The following ANKRD17 variants were observed in gnomAD, a reference collection of about 807,000 sequenced individuals.
ANKRD17 encodes the protein ankyrin repeat domain 17.
A neutral mutation model predicts 229.7 loss-of-function variants in ANKRD17; 19 were observed. That is an observed-to-expected ratio of 0.08 (90% CI 0.06 to 0.12). The LOEUF (loss-of-function observed/expected upper bound fraction) is 0.12, where lower values mean the gene tolerates loss of function less well. ANKRD17 is among the 10% of genes least tolerant of loss of function. ANKRD17 has a pLI of 1.00. For synonymous variants in ANKRD17, 1,112 were observed against 1,146.1 expected, an observed-to-expected ratio of 0.97 and a Z score of 0.60; for missense variants, 2,176 against 3,176.8, an observed-to-expected ratio of 0.68 and a Z score of 7.57.
intron 1 of ANKRD17, among the ~76,000 whole-genome samples, chr4:73,245,696 C>T (rs1365496418): frequency 6.6e-6 from 1 of 152,082 alleles, no homozygotes; most frequent in African/African-American, 2.4e-5. Context: ...CTGGTTAAAC[C>T]CTTACTGATA....
At chr4:73,158,927 C>T (rs1339971894) in intron 3 of ANKRD17, among the ~76,000 whole-genome samples, 2 of 152,162 alleles carry the variant, frequency 1.3e-5, no homozygotes, top group Non-Finnish European at 2.9e-5. Context: ...TTCTCAGCCT[C>T]CATAATTGTA....
At chr4:73,170,286 C>A (rs939782573) in intron 2 of ANKRD17, among the ~76,000 whole-genome samples, 1 of 151,988 alleles carries the variant, frequency 6.6e-6, no homozygotes, top group African/African-American at 2.4e-5. Context: ...CCATTCCAGA[C>A]CCTAGCTCCT....
intron 6 of ANKRD17, among the ~76,000 whole-genome samples, chr4:73,151,934 T>A (rs1264847191): frequency 6.6e-6 from 1 of 152,170 alleles, no homozygotes; most frequent in African/African-American, 2.4e-5. Flanking sequence ...GTATTTAAAG[T>A]TCCAATACCT....
At chr4:73,123,617 A>G (rs1727045961) in intron 18 of ANKRD17, among the ~76,000 whole-genome samples, 1 of 152,092 alleles carries the variant, frequency 6.6e-6, no homozygotes, top group South Asian at 2.1e-4. Context: ...AGTTCTTTTT[A>G]ATTTACAAAA....
chr4:73,099,939 C>T (rs1723758648), intron 25 of ANKRD17, among the ~76,000 whole-genome samples: 1 of 152,040 alleles, frequency 6.6e-6, no homozygotes, highest in South Asian at 2.1e-4. Flanking sequence ...GGGCTGGGGC[C>T]GCTCCCCCAT....
At chr4:73,192,842 A>C (rs1737317451) in intron 1 of ANKRD17, among the ~76,000 whole-genome samples, 1 of 152,192 alleles carries the variant, frequency 6.6e-6, no homozygotes, top group African/African-American at 2.4e-5. Context: ...GAATTAGTTA[A>C]AGCAACTGCT....
chr4:73,226,983 T>C (rs1742577532), intron 1 of ANKRD17, among the ~76,000 whole-genome samples: 1 of 152,210 alleles, frequency 6.6e-6, no homozygotes, highest in South Asian at 2.1e-4. Context: ...TTTTCTGCAG[T>C]TATTTGTTAC....
intron 1 of ANKRD17, among the ~76,000 whole-genome samples, chr4:73,196,985 T>C (rs1037227795): frequency 1.3e-4 from 20 of 152,174 alleles, no homozygotes; most frequent in Admixed American, 3.3e-4. Flanking sequence ...TATATGTATA[T>C]GTATATAATT....
Position 73,098,279 on chromosome 4 carries a change from G to A in ANKRD17, c.4815C>T (p.Ser1605=). 1.9e-6 allele frequency: 3 copies of A among 1,614,192 alleles called. No individual in the cohort carries two copies. Among genetic ancestry groups the A allele is most frequent in the South Asian group, 1.1e-5 (1 of 91,084 alleles). ...TGTCCCCACTCTCGCTGGTACTGCT[G>A]CTCTTGGACTCTCCATTCACCTTCT... is the stretch of plus-strand genomic sequence containing the variant. ...QPEKVNGESK[S]SSTSESGDSD... Residue 1605 remains serine, a synonymous_variant, in exon 26 of 34, where the codon AGC becomes AGT. Transcript: ENST00000358602.
intron 9 of ANKRD17, 41 bp from the exon 10 acceptor site, chr4:73,146,914 G>C (rs1206208779): frequency 1.3e-6 from 2 of 1,501,628 alleles, no homozygotes; most frequent in Non-Finnish European, 1.8e-6. Context: ...TAATAAAGGA[G>C]CCATAAGACA....
chr4:73,121,869 G>C, intron 18 of ANKRD17, 110 bp from the exon 19 acceptor site: 3 of 1,134,702 alleles, frequency 2.6e-6, no homozygotes, highest in Non-Finnish European at 3.6e-6. Context: ...GAAGGGGAAA[G>C]TTCTTCCTTC....
chr4:73,241,753 A>G (rs1264626969), intron 1 of ANKRD17, among the ~76,000 whole-genome samples: 1 of 152,186 alleles, frequency 6.6e-6, no homozygotes, highest in East Asian at 1.9e-4. Flanking sequence ...AAAAACTAAC[A>G]TGAATAATCT....
chr4:73,108,003 TA>T (rs1411215616), intron 24 of ANKRD17, among the ~76,000 whole-genome samples: 1 of 152,156 alleles, frequency 6.6e-6, no homozygotes, highest in Non-Finnish European at 1.5e-5. Context: ...ATTAAGATTA[TA>T]TATCTATATT....
rs573985840 is a variant in ANKRD17 at position 73,219,767 on chromosome 4, C to T, written c.393+38509G>A. Reference sequence around the variant, plus strand: ...GCTTTAGATGACAAAAGAATAAGAACGGGTATGAGAGTTATTATTACACTT... The same window carrying T: ...GCTTTAGATGACAAAAGAATAAGAATGGGTATGAGAGTTATTATTACACTT... On this transcript the variant is annotated intron_variant, in intron 1 of 33. Coordinates refer to ENST00000358602, the MANE Select transcript of ANKRD17 (RefSeq NM_032217.5). Among the ~76,000 whole-genome samples, 15 of 152,106 alleles carry T rather than the reference C, an allele frequency of 9.9e-5. No individual in the cohort carries two copies. In the East Asian group the frequency reaches 2.3e-3, roughly 23 times the overall value.
At chr4:73,111,302 AT>A (rs1437506840) in intron 24 of ANKRD17, among the ~76,000 whole-genome samples, 1 of 152,200 alleles carries the variant, frequency 6.6e-6, no homozygotes, top group African/African-American at 2.4e-5. Flanking sequence ...ATTAAGTAAA[AT>A]TAGGGTTTCT....
intron 1 of ANKRD17, among the ~76,000 whole-genome samples, chr4:73,190,084 T>C (rs1217103476): frequency 6.6e-6 from 1 of 152,166 alleles, no homozygotes; most frequent in Non-Finnish European, 1.5e-5. Context: ...TAAAGTATTC[T>C]GGGGCTGGGC....
At position 73,092,217 on chromosome 4, in the gene ANKRD17, A is replaced by G; in HGVS notation, c.5411T>C (p.Ile1804Thr). 6.2e-7 allele frequency: 1 copy of G among 1,614,184 alleles called. No homozygotes were observed. Reference protein sequence around the residue: ...KDPDKEIDELIPKNRLKSSSA... With the variant: ...KDPDKEIDELTPKNRLKSSSA... ...GGAGCTTTTCAAACGATTCTTTGGA[A>G]TAAGTTCATCAATTTCTTTGTCTGG... is the stretch of plus-strand genomic sequence containing the variant. The change falls in exon 29 of 34, where the codon ATT becomes ACT. Residue 1804 changes from isoleucine (I) to threonine (T), a missense_variant. This residue lies in a region of ANKRD17 where 142 missense variants were observed against 200.4 expected (regional missense o/e 0.71). Transcript: ENST00000358602.
intron 30 of ANKRD17, among the ~76,000 whole-genome samples, chr4:73,081,162 G>C (rs142785384): frequency 5.3e-5 from 8 of 152,328 alleles, no homozygotes; most frequent in Non-Finnish European, 7.3e-5. Context: ...GGTCTGACTT[G>C]AACATATGAG....
chr4:73,139,497 T>C (rs778200327), intron 15 of ANKRD17, 34 bp downstream of exon 15: 1 of 1,559,540 alleles, frequency 6.4e-7, no homozygotes, highest in Non-Finnish European at 8.7e-7. Context: ...AAGCAAATCA[T>C]ATTTGATACC....
Sources: allele counts gnomAD v4.1 joint callset (sites outside exome capture counted in the v4.1 genomes callset), GRCh38; gene constraint gnomAD v4.1.1; regional missense constraint gnomAD v4.1.1; transcripts MANE v1.5; gene names NCBI Gene and HGNC (gene_info 2026-07-23, HGNC 2026-07-21).